The following MGAT4C variants were observed in gnomAD, a reference collection of about 807,000 sequenced individuals.
The protein encoded by MGAT4C is MGAT4 family member C.
MGAT4C carries 19 observed loss-of-function variants against 40.1 expected under a neutral mutation model. The observed-to-expected ratio is 0.47, with a 90% CI of 0.33 to 0.70. The LOEUF is 0.70. MGAT4C is among the 30% of genes least tolerant of loss of function. The probability of loss-of-function intolerance (pLI) is 0.02; values close to 1 mark genes in which losing one functional copy is unlikely to be tolerated. For synonymous variants in MGAT4C, 181 were observed against 187.1 expected (o/e 0.97, Z 0.27); for missense variants, 491 against 563.2 (o/e 0.87, Z 1.30).
intron 1 of MGAT4C, among the ~76,000 whole-genome samples, chr12:86,779,191 A>G (rs1046936431): frequency 6.6e-6 from 1 of 152,140 alleles, no homozygotes; most frequent in Non-Finnish European, 1.5e-5. Context: ...TACCCCATAT[A>G]AAAGACAAAA....
chr12:86,462,266 G>A (rs1354625411), intron 2 of MGAT4C, among the ~76,000 whole-genome samples: 1 of 152,120 alleles, frequency 6.6e-6, no homozygotes, highest in Non-Finnish European at 1.5e-5. Flanking sequence ...ATCCAGAAGA[G>A]TTTTTCAAAG....
At chr12:86,401,287 GGTGT>G (rs10638406) in intron 3 of MGAT4C, among the ~76,000 whole-genome samples, 6 of 147,394 alleles carry the variant, frequency 4.1e-5, no homozygotes, top group African/African-American at 7.5e-5. Context: ...TGTGTATGTG[GGTGT>G]GTGTGTGTGT....
chr12:86,656,260 C>G (rs1963847909), intron 2 of MGAT4C, among the ~76,000 whole-genome samples: 1 of 151,378 alleles, frequency 6.6e-6, no homozygotes, highest in Non-Finnish European at 1.5e-5. Context: ...TGTATATATA[C>G]TTTTGGAAAT....
rs1167778695 is a variant in MGAT4C, at chr12:85,969,738, G to A, written c.*9551C>T. Reference sequence around the variant, plus strand: ...GAGGCAATGTATAATAGTGATAAGGGGCATAGATTTTGAATTACACAAACC... The same window carrying A: ...GAGGCAATGTATAATAGTGATAAGGAGCATAGATTTTGAATTACACAAACC... On this transcript the variant is annotated 3_prime_UTR_variant, in exon 5 of 5. Transcript: ENST00000611864. 1.3e-5 allele frequency: 2 copies of A among 151,248 alleles called. No homozygotes were observed. Among genetic ancestry groups the A allele is most frequent in the Non-Finnish European group, 3.0e-5 (2 of 67,454 alleles). The allele number at this position is 151,248 out of a possible 1,614,324, so 9.4% of individuals were successfully genotyped here. A position where few individuals can be genotyped will look rare whatever the true frequency, so the allele number is the denominator to read the frequency against.
chr12:86,540,738 G>T (rs10745420), intron 2 of MGAT4C, among the ~76,000 whole-genome samples: 22 of 150,660 alleles, frequency 1.5e-4, no homozygotes, highest in Non-Finnish European at 2.5e-4. Context: ...TCCATCTCCA[G>T]AAAGAGAGAG....
chr12:85,999,583 GTATATATATA>G (rs67914292), intron 2 of MGAT4C, among the ~76,000 whole-genome samples: 28 of 122,962 alleles, frequency 2.3e-4, no homozygotes, highest in Non-Finnish European at 3.8e-4. Context: ...GTGTGTGTGT[GTATATATATA>G]TATATATATA....
intron 4 of MGAT4C, among the ~76,000 whole-genome samples, chr12:86,309,665 C>A (rs1344382484): frequency 1.3e-5 from 2 of 152,226 alleles, no homozygotes; most frequent in African/African-American, 4.8e-5. Context: ...GGGATACATG[C>A]AAACCATTGC....
chr12:86,110,477 C>T (rs1264251343), intron 1 of MGAT4C, among the ~76,000 whole-genome samples: 7 of 148,774 alleles, frequency 4.7e-5, no homozygotes, highest in African/African-American at 1.7e-4. Context: ...ATCAACTCTT[C>T]AATTACATTT....
At chr12:86,041,312 C>T (rs1394384436) in intron 2 of MGAT4C, among the ~76,000 whole-genome samples, 3 of 151,842 alleles carry the variant, frequency 2.0e-5, no homozygotes, top group Admixed American at 2.0e-4. Context: ...TGTGTGTCCC[C>T]AGTTCCTTCA....
chr12:86,303,823 T>C (rs148964988), intron 4 of MGAT4C, among the ~76,000 whole-genome samples: 1 of 150,692 alleles, frequency 6.6e-6, no homozygotes, highest in East Asian at 1.9e-4. Flanking sequence ...TATCTAAGAA[T>C]GTGGTAATTT....
intron 2 of MGAT4C, among the ~76,000 whole-genome samples, chr12:86,679,044 C>G (rs958473826): frequency 6.6e-6 from 1 of 152,034 alleles, no homozygotes; most frequent in Non-Finnish European, 1.5e-5. Flanking sequence ...ACAGTCCCAC[C>G]AACAGTGTAA....
chr12:86,593,122 A>T (rs1366989384), intron 2 of MGAT4C, among the ~76,000 whole-genome samples: 1 of 149,496 alleles, frequency 6.7e-6, no homozygotes. Context: ...TTGATTTTTT[A>T]TAGGAAGTTG....
intron 3 of MGAT4C, among the ~76,000 whole-genome samples, chr12:86,366,980 T>G (rs1955612167): frequency 2.0e-5 from 3 of 152,120 alleles, no homozygotes; most frequent in Admixed American, 2.0e-4. Context: ...ACAAAAGTCC[T>G]ACAGCTGGCA....
At chr12:86,477,836 A>C (rs1365819272) in intron 2 of MGAT4C, among the ~76,000 whole-genome samples, 1 of 152,058 alleles carries the variant, frequency 6.6e-6, no homozygotes, top group Non-Finnish European at 1.5e-5. Context: ...ATGAGTCAGA[A>C]CATGCGGTGT....
chr12:86,691,464 G>T (rs1315095965), intron 2 of MGAT4C, among the ~76,000 whole-genome samples: 3 of 152,110 alleles, frequency 2.0e-5, no homozygotes, highest in African/African-American at 7.2e-5. Context: ...AGAAGAAAAA[G>T]ACAACCTGGT....
chr12:86,326,596 A>G (rs1954534050), intron 4 of MGAT4C, among the ~76,000 whole-genome samples: 1 of 152,144 alleles, frequency 6.6e-6, no homozygotes, highest in Non-Finnish European at 1.5e-5. Flanking sequence ...TGAAGAGTAA[A>G]TAACTAGTTT....
chr12:86,439,569 T>C (rs1413195575), intron 2 of MGAT4C, among the ~76,000 whole-genome samples: 1 of 151,402 alleles, frequency 6.6e-6, no homozygotes, highest in Non-Finnish European at 1.5e-5. Context: ...CACAAGAAAC[T>C]ACATAAACAA....
At chr12:86,075,145 C>T (rs572549460) in intron 1 of MGAT4C, among the ~76,000 whole-genome samples, 12 of 152,278 alleles carry the variant, frequency 7.9e-5, no homozygotes, top group Admixed American at 2.0e-4. Context: ...ATATCAAAAG[C>T]GAGCTTGTTA....
chr12:86,230,872 T>A (rs1951290569), intron 1 of MGAT4C, among the ~76,000 whole-genome samples: 2 of 151,254 alleles, frequency 1.3e-5, no homozygotes, highest in Non-Finnish European at 3.0e-5. Flanking sequence ...ACACTCCCTT[T>A]TTTTTTTTTT....
Sources: gnomAD v4.1 joint callset for allele counts (sites outside exome capture counted in the v4.1 genomes callset) on GRCh38, gnomAD v4.1.1 for gene constraint, MANE v1.5 for transcripts, NCBI Gene and HGNC (gene_info 2026-07-23, HGNC 2026-07-21) for gene names.